The following AMBRA1 variants were observed in gnomAD, a reference collection of about 807,000 sequenced individuals.
The protein encoded by AMBRA1 is activating molecule in BECN1-regulated autophagy protein 1.
AMBRA1 carries 47 observed loss-of-function variants against 125.4 expected under a neutral mutation model. That is an observed-to-expected ratio of 0.37 (90% CI 0.30 to 0.48). The LOEUF is 0.48. Ranked by LOEUF, AMBRA1 falls within the 20% of genes least tolerant of loss-of-function variation. The pLI is 0.99. For synonymous variants in AMBRA1, 626 were observed against 655.5 expected (o/e 0.95, Z 0.69); for missense variants, 1,331 against 1,693.4 (o/e 0.79, Z 3.76).
rs1466730853 is a variant in AMBRA1 at position 46,397,536 on chromosome 11, C to T, written c.3811G>A (p.Glu1271Lys). 5 of 1,547,394 alleles carry T rather than the reference C, an allele frequency of 3.2e-6. No individual in the cohort carries two copies. Among genetic ancestry groups the T allele is most frequent in the Admixed American group, 1.9e-5 (1 of 51,856 alleles). ...PSAEGPTLHCELTNNNHLLDG... is the reference protein window; with the variant it reads ...PSAEGPTLHCKLTNNNHLLDG... ...AGAAGGTGGTTGTTATTGGTCAACT[C>T]GCAGTGGAGGGTTGGTCCCTCAGCG... The change falls in exon 18 of 18, where the codon GAG becomes AAG. Residue 1271 changes from glutamate to lysine, a missense_variant. Transcript: ENST00000683756.
intron 9 of AMBRA1, among the ~76,000 whole-genome samples, chr11:46,507,279 A>C (rs1262605797): frequency 6.6e-6 from 1 of 151,146 alleles, no homozygotes; most frequent in African/African-American, 2.4e-5. Flanking sequence ...GGAGATCAAG[A>C]CCACCCTGGC....
chr11:46,417,057 CTTT>C (rs796893271), intron 15 of AMBRA1, among the ~76,000 whole-genome samples: 1 of 143,762 alleles, frequency 7.0e-6, no homozygotes, highest in Admixed American at 6.9e-5. Context: ...TTGAGCTTTT[CTTT>C]TTTTTTTTTT....
At chr11:46,573,451 G>T (rs186494354) in intron 1 of AMBRA1, among the ~76,000 whole-genome samples, 2 of 151,456 alleles carry the variant, frequency 1.3e-5, no homozygotes, top group East Asian at 3.9e-4. Flanking sequence ...CATTTTTCCT[G>T]CTGTACCACA....
intron 17 of AMBRA1, among the ~76,000 whole-genome samples, chr11:46,400,054 T>C (rs933626499): frequency 5.9e-5 from 9 of 152,142 alleles, no homozygotes; most frequent in Admixed American, 1.3e-4. Context: ...TGTGATTAAC[T>C]TGGGGTCTGC....
intron 11 of AMBRA1, among the ~76,000 whole-genome samples, chr11:46,477,602 T>C (rs1351094400): frequency 6.6e-6 from 1 of 152,104 alleles, no homozygotes; most frequent in Admixed American, 6.6e-5. Context: ...CCTACTGTGC[T>C]GGGATTACAG....
chr11:46,580,811 A>G (rs1464929414), intron 1 of AMBRA1, among the ~76,000 whole-genome samples: 3 of 152,084 alleles, frequency 2.0e-5, no homozygotes, highest in African/African-American at 7.2e-5. Flanking sequence ...GTTGTTTTGG[A>G]GACAGAGCCT....
chr11:46,518,649 G>A (rs1158666619), intron 7 of AMBRA1, among the ~76,000 whole-genome samples: 1 of 152,060 alleles, frequency 6.6e-6, no homozygotes, highest in African/African-American at 2.4e-5. Context: ...GCCCTTTACA[G>A]AAGATGTTCG....
At chr11:46,494,231 A>C in intron 9 of AMBRA1, 27 bp from the exon 10 acceptor site, 1 of 1,551,816 alleles carries the variant, frequency 6.4e-7, no homozygotes, top group Non-Finnish European at 8.8e-7. Context: ...CACTACACAT[A>C]AGAGAGTCAC....
At chr11:46,533,471 A>C (rs956007427) in intron 7 of AMBRA1, among the ~76,000 whole-genome samples, 8 of 152,094 alleles carry the variant, frequency 5.3e-5, no homozygotes, top group African/African-American at 1.9e-4. Context: ...TCTTGTTTGG[A>C]GGTTGGGGAA....
At position 46,500,276 on chromosome 11, in the gene AMBRA1, A is replaced by T. The variant is rs556010132; in HGVS notation, c.2340-6072T>A. ...CTGGATCCAGTAAGAGTAAAAAAGG[A>T]CTTAGCATTTTTTTTTTAGACAAGA... On this transcript the variant is annotated intron_variant, in intron 9 of 17. Transcript: ENST00000683756. Among the ~76,000 whole-genome samples the T allele has an allele frequency of 3.9e-5, 6 of 152,240 alleles. No individual in the cohort carries two copies. In the South Asian group the frequency reaches 1.2e-3, roughly 32 times the overall value.
chr11:46,527,477 CAAAAAAAAAAAAA>C (rs59904013), intron 7 of AMBRA1, among the ~76,000 whole-genome samples: 6 of 25,942 alleles, frequency 2.3e-4, no homozygotes, highest in South Asian at 2.7e-3. Context: ...GAGACTGTCT[CAAAAAAAAAAAAA>C]AAAAAAAAAA....
chr11:46,565,631 TGA>T (rs977417602), intron 1 of AMBRA1, among the ~76,000 whole-genome samples: 4 of 151,876 alleles, frequency 2.6e-5, no homozygotes, highest in African/African-American at 9.7e-5. Flanking sequence ...CACTTCAGCC[TGA>T]GAGGCGGAGG....
At chr11:46,442,784 G>T (rs1948082638) in intron 12 of AMBRA1, among the ~76,000 whole-genome samples, 1 of 152,170 alleles carries the variant, frequency 6.6e-6, no homozygotes, top group African/African-American at 2.4e-5. Context: ...AAGGCAACTG[G>T]CAAAGTCTTA....
At chr11:46,427,302 T>A (rs1947189077) in intron 14 of AMBRA1, among the ~76,000 whole-genome samples, 1 of 152,200 alleles carries the variant, frequency 6.6e-6, no homozygotes, top group East Asian at 1.9e-4. Context: ...TATGGTTCAT[T>A]TTAATGAACT....
intron 7 of AMBRA1, among the ~76,000 whole-genome samples, chr11:46,535,273 GT>G (rs897879234): frequency 6.6e-6 from 1 of 151,968 alleles, no homozygotes; most frequent in Non-Finnish European, 1.5e-5. Flanking sequence ...AATTCCACCA[GT>G]TTTTTTCAGG....
intron 15 of AMBRA1, among the ~76,000 whole-genome samples, chr11:46,414,216 G>A (rs569958532): frequency 1.3e-5 from 2 of 152,290 alleles, no homozygotes; most frequent in South Asian, 2.1e-4. Flanking sequence ...GTGACACGAC[G>A]GGAGAGGATC....
intron 11 of AMBRA1, among the ~76,000 whole-genome samples, chr11:46,468,755 T>C (rs1949441433): frequency 1.4e-5 from 2 of 141,324 alleles, no homozygotes; most frequent in South Asian, 4.4e-4. Flanking sequence ...GAGCTTGCAG[T>C]GAGCCGAGAT....
chr11:46,503,255 T>G (rs1419794709), intron 9 of AMBRA1, among the ~76,000 whole-genome samples: 1 of 151,992 alleles, frequency 6.6e-6, no homozygotes, highest in Non-Finnish European at 1.5e-5. Flanking sequence ...GAGGTCACTA[T>G]AGGGATATTA....
intron 1 of AMBRA1, among the ~76,000 whole-genome samples, chr11:46,590,666 T>G (rs948058650): frequency 6.6e-6 from 1 of 151,912 alleles, no homozygotes; most frequent in Non-Finnish European, 1.5e-5. Flanking sequence ...CCGTCCAGTT[T>G]TTAAAGGAAA....
Sources: gnomAD v4.1 joint callset for allele counts (sites outside exome capture counted in the v4.1 genomes callset) on GRCh38, gnomAD v4.1.1 for gene constraint, MANE v1.5 for transcripts, NCBI Gene and HGNC (gene_info 2026-07-23, HGNC 2026-07-21) for gene names.